TMEM91: variants seen among roughly 807,000 people sequenced by gnomAD.
The protein encoded by TMEM91 is transmembrane protein 91, also known as dispanin subfamily C member 3.
A neutral mutation model predicts 13.3 loss-of-function variants in TMEM91; 6 were observed. That is an observed-to-expected ratio of 0.45 (90% CI 0.25 to 0.89). The LOEUF is 0.89. Among genes scored for constraint, TMEM91 ranks in the 40% least tolerant of loss-of-function variants. TMEM91 has a pLI of 0.19. For synonymous variants in TMEM91, 87 were observed against 101.7 expected, an observed-to-expected ratio of 0.86 and a Z score of 0.87; for missense variants, 193 against 228.7, an observed-to-expected ratio of 0.84 and a Z score of 1.01.
chr19:41,365,436 C>T (rs374695430), intron 1 of TMEM91, among the ~76,000 whole-genome samples: 11 of 152,078 alleles, frequency 7.2e-5, no homozygotes, highest in Admixed American at 2.6e-4. Context: ...ATGGCGTCTC[C>T]CCCTGTCATC....
At chr19:41,380,658 C>T (rs1206693146) in intron 2 of TMEM91, among the ~76,000 whole-genome samples, 2 of 152,056 alleles carry the variant, frequency 1.3e-5, no homozygotes, top group East Asian at 3.9e-4. Context: ...CGCCTGTAAT[C>T]CCAGCACTTT....
Position 41,383,945 on chromosome 19 carries a change from T to C in TMEM91, c.*72T>C. ...AAATCTGTGGGCAGAGAGTGGAGAA[T>C]CTTGGTGGATGAGGCTGCGGCGGCG... On this transcript the variant is annotated 3_prime_UTR_variant, in exon 4 of 4. Coordinates refer to ENST00000392002, the MANE Select transcript of TMEM91 (RefSeq NM_001098821.2). 1 of 1,560,662 alleles carries C rather than the reference T, an allele frequency of 6.4e-7. No homozygotes were observed. Among genetic ancestry groups the C allele is most frequent in the South Asian group, 1.2e-5 (1 of 82,512 alleles).
chr19:41,373,173 T>C (rs1243720516), upstream of TMEM91, among the ~76,000 whole-genome samples: 1 of 152,094 alleles, frequency 6.6e-6, no homozygotes, highest in Non-Finnish European at 1.5e-5. Context: ...CTTTTGGGTT[T>C]AAGTAATCCT....
intron 1 of TMEM91, among the ~76,000 whole-genome samples, chr19:41,366,170 TG>T (rs1235915512): frequency 6.6e-6 from 1 of 150,778 alleles, no homozygotes; most frequent in Non-Finnish European, 1.5e-5. Context: ...AAGCTGGAGC[TG>T]GGGAAAATGT....
At position 41,378,199 on chromosome 19, in the gene TMEM91, C is replaced by T. The variant is rs543434101; in HGVS notation, c.-29-82C>T. ...GACCACTGCACTAACTAGTCTCTGC[C>T]TGAGTCTCTCTAAAGCAAGGGGTCA... is the stretch of plus-strand genomic sequence containing the variant. On this transcript the variant is annotated intron_variant, in intron 1 of 3. Coordinates refer to ENST00000392002, the MANE Select transcript of TMEM91 (RefSeq NM_001098821.2). The T allele has an allele frequency of 2.9e-4, 311 of 1,067,954 alleles. 1 individual carries two copies. The African/African-American group carries it at 3.9e-3, about 13-fold the overall frequency. The allele number at this position is 1,067,954 out of a possible 1,614,324, so 66.2% of individuals were successfully genotyped here. A position where few individuals can be genotyped will look rare whatever the true frequency, so the allele number is the denominator to read the frequency against.
At chr19:41,379,073 A>G (rs1017579298) in intron 2 of TMEM91, among the ~76,000 whole-genome samples, 9 of 150,650 alleles carry the variant, frequency 6.0e-5, no homozygotes, top group African/African-American at 2.2e-4. Flanking sequence ...AGCTCAAGCA[A>G]TCTGCCTGTC....
At chr19:41,375,271 T>C (rs2123176663), upstream of TMEM91, among the ~76,000 whole-genome samples, 1 of 128,608 alleles carries the variant, frequency 7.8e-6, no homozygotes, top group Admixed American at 8.2e-5. Context: ...TTATTTTCTT[T>C]TCTTTTTTTT....
At chr19:41,369,377 G>A (rs1273065804) in intron 1 of TMEM91, among the ~76,000 whole-genome samples, 5 of 151,826 alleles carry the variant, frequency 3.3e-5, no homozygotes, top group Non-Finnish European at 7.4e-5. Flanking sequence ...ATGTATGGCC[G>A]CGCCTGGCCA....
intron 1 of TMEM91, among the ~76,000 whole-genome samples, chr19:41,365,727 T>A (rs1177181910): frequency 2.0e-5 from 3 of 147,202 alleles, no homozygotes; most frequent in Non-Finnish European, 4.5e-5. Context: ...TTTTTTTTTT[T>A]TTTGACAGAG....
chr19:41,381,759 G>A (rs930917078), intron 2 of TMEM91, among the ~76,000 whole-genome samples: 1 of 151,884 alleles, frequency 6.6e-6, no homozygotes, highest in African/African-American at 2.4e-5. Context: ...TGATCCTCCC[G>A]CCTTGGCCTC....
chr19:41,382,856 G>C lies in TMEM91; in HGVS notation c.295G>C (p.Ala99Pro), dbSNP rs1171905311. ...TCTACCCCACGACCACCTCGGCTTG[G>C]CTGTCTTCTCCATGCTGTGTTGTTT... ...PFLPHDHLGLAVFSMLCCFWP... is the reference protein window; with the variant it reads ...PFLPHDHLGLPVFSMLCCFWP... Residue 99 changes from alanine (A) to proline (P), a missense_variant, in exon 3 of 4, where the codon GCT (alanine) becomes CCT (proline). Coordinates refer to ENST00000392002, the MANE Select transcript of TMEM91 (RefSeq NM_001098821.2). 1.2e-6 allele frequency: 2 copies of C among 1,614,114 alleles called. No homozygotes were observed. The highest frequency in any genetic ancestry group is 4.5e-5 in the East Asian group (2 of 44,896).
chr19:41,364,673 C>T (rs2038484595), intron 1 of TMEM91, among the ~76,000 whole-genome samples: 3 of 152,194 alleles, frequency 2.0e-5, no homozygotes, highest in Admixed American at 2.0e-4. Context: ...CAACTTCCTT[C>T]TCGGAGCTAC....
chr19:41,382,632 C>T (rs1169326658), intron 2 of TMEM91, 140 bp from the exon 3 acceptor site: 2 of 1,202,588 alleles, frequency 1.7e-6, no homozygotes, highest in Non-Finnish European at 2.3e-6. Context: ...ACCGAAAGCC[C>T]ATCTCTGAAC....
At chr19:41,371,222 G>A (rs991884227) in intron 1 of TMEM91, among the ~76,000 whole-genome samples, 2 of 151,498 alleles carry the variant, frequency 1.3e-5, no homozygotes, top group Admixed American at 6.6e-5. Flanking sequence ...GGCTGATTTC[G>A]AACTCCTGAC....
At chr19:41,380,110 G>A (rs890275656) in intron 2 of TMEM91, among the ~76,000 whole-genome samples, 1 of 151,798 alleles carries the variant, frequency 6.6e-6, no homozygotes, top group Non-Finnish European at 1.5e-5. Flanking sequence ...GGTCAGGTTG[G>A]TCTCAAACTC....
chr19:41,367,524 G>A (rs1599918664), intron 1 of TMEM91, among the ~76,000 whole-genome samples: 1 of 152,088 alleles, frequency 6.6e-6, no homozygotes, highest in South Asian at 2.1e-4. Flanking sequence ...CCAAGTACTC[G>A]GGAGGCTGAG....
Position 41,378,329 on chromosome 19 carries a change from G to A in TMEM91, c.20G>A (p.Arg7His), listed in dbSNP as rs1236617601. 16 of 1,614,144 alleles carry A rather than the reference G, an allele frequency of 9.9e-6. No individual in the cohort carries two copies. The highest frequency in any genetic ancestry group is 1.3e-5 in the Non-Finnish European group (15 of 1,180,002). MDSPSL[R>H]ELQQPLLEGT... ...AAAGCCATGGACAGCCCTAGTCTTCGTGAGCTTCAACAGCCTCTGCTGGAG... is the reference window on the plus strand; with the variant it reads ...AAAGCCATGGACAGCCCTAGTCTTCATGAGCTTCAACAGCCTCTGCTGGAG... The change falls in exon 2 of 4, where the codon CGT (arginine) becomes CAT (histidine). Residue 7 changes from arginine (R) to histidine (H), a missense_variant. Transcript: ENST00000392002.
chr19:41,372,671 G>A (rs2038643129), upstream of TMEM91, among the ~76,000 whole-genome samples: 1 of 152,096 alleles, frequency 6.6e-6, no homozygotes, highest in Admixed American at 6.6e-5. Flanking sequence ...CAAAGAAATG[G>A]TATGTGTCTC....
chr19:41,382,791 G>C lies in TMEM91; in HGVS notation c.230G>C (p.Ser77Thr). The change falls in exon 3 of 4, where the codon AGT becomes ACT. Residue 77 changes from serine (S) to threonine (T), a missense_variant. Coordinates refer to ENST00000392002, the MANE Select transcript of TMEM91 (RefSeq NM_001098821.2). ...PDVEDMSSSD[S>T]DSDWDGGSRL... The stretch of plus-strand genomic sequence containing the variant: ...CCGTAGGACATGTCATCCAGTGACA[G>C]TGACTCGGACTGGGATGGAGGCAGC... 1 of 1,614,100 alleles carries C rather than the reference G, an allele frequency of 6.2e-7. No homozygotes were observed. Among genetic ancestry groups the C allele is most frequent in the Non-Finnish European group, 8.5e-7 (1 of 1,179,972 alleles).
Sources: allele counts gnomAD v4.1 joint callset (sites outside exome capture counted in the v4.1 genomes callset), GRCh38; gene constraint gnomAD v4.1.1; transcripts MANE v1.5; gene names NCBI Gene and HGNC (gene_info 2026-07-23, HGNC 2026-07-21).